The following OPCML variants were observed in gnomAD, a reference collection of about 807,000 sequenced individuals.
The protein encoded by OPCML is opioid-binding protein/cell adhesion molecule.
Under a neutral mutation model 37.8 loss-of-function variants are expected in OPCML, and 13 were observed. The observed-to-expected ratio is 0.34, with a 90% CI of 0.22 to 0.55. The LOEUF (loss-of-function observed/expected upper bound fraction) is 0.55, where lower values mean the gene tolerates loss of function less well. OPCML is among the 20% of genes least tolerant of loss of function. OPCML has a pLI of 0.91. For missense variants in OPCML, 341 were observed against 435.6 expected, an observed-to-expected ratio of 0.78 and a Z score of 1.93; for synonymous variants, 176 against 168.8, an observed-to-expected ratio of 1.04 and a Z score of -0.33.
chr11:133,419,378 C>T lies in OPCML; in HGVS notation c.61+112886G>A, dbSNP rs753199999. On this transcript the variant is annotated intron_variant, in intron 1 of 7. Coordinates refer to ENST00000524381, the MANE Select transcript of OPCML (RefSeq NM_001012393.5). Reference sequence around the variant, plus strand: ...GTGCTGGAGTCAGCTTCTACCCACTCGTCAGAGCTTATTGCTAAATTTTCA... The same window carrying T: ...GTGCTGGAGTCAGCTTCTACCCACTTGTCAGAGCTTATTGCTAAATTTTCA... 353 of 979,622 alleles carry T rather than the reference C, an allele frequency of 3.6e-4. 1 individual carries two copies. Among genetic ancestry groups the T allele is most frequent in the Non-Finnish European group, 4.0e-4 (331 of 824,818 alleles). The allele number at this position is 979,622 out of a possible 1,614,324, so 60.7% of individuals were successfully genotyped here.
intron 2 of OPCML, among the ~76,000 whole-genome samples, chr11:132,691,621 G>A: frequency 6.6e-6 from 1 of 152,116 alleles, no homozygotes; most frequent in African/African-American, 2.4e-5. Context: ...TACTCCCATG[G>A]GTAGTTTCAA....
chr11:133,356,279 G>A (rs565624342), intron 1 of OPCML, among the ~76,000 whole-genome samples: 114 of 152,328 alleles, frequency 7.5e-4, no homozygotes, highest in African/African-American at 2.5e-3. Flanking sequence ...CCGATTATAG[G>A]TGAAGGATGT....
At chr11:132,919,517 G>A (rs1317233252) in intron 2 of OPCML, among the ~76,000 whole-genome samples, 1 of 152,184 alleles carries the variant, frequency 6.6e-6, no homozygotes, top group African/African-American at 2.4e-5. Context: ...TGTTAGAGCT[G>A]AGCTAGAATC....
chr11:132,837,038 G>C (rs914522874), intron 2 of OPCML, among the ~76,000 whole-genome samples: 2 of 152,172 alleles, frequency 1.3e-5, no homozygotes, highest in African/African-American at 4.8e-5. Context: ...GTCTGGGCTG[G>C]ATGCAGTGGC....
chr11:132,815,129 T>C (rs1190096962), intron 2 of OPCML, among the ~76,000 whole-genome samples: 1 of 152,206 alleles, frequency 6.6e-6, no homozygotes, highest in Non-Finnish European at 1.5e-5. Flanking sequence ...AATAGTTTCT[T>C]AACTCATCTT....
At chr11:133,179,251 C>A (rs2567681) in intron 1 of OPCML, among the ~76,000 whole-genome samples, 51,072 of 152,012 alleles carry the variant, frequency 0.34, 9,105 homozygotes, top group Middle Eastern at 0.43. Flanking sequence ...TAAAATAATG[C>A]ACTAGTTAAT....
At position 133,248,709 on chromosome 11, in the gene OPCML, C is replaced by T. The variant is rs559476399; in HGVS notation, c.61+283555G>A. On this transcript the variant is annotated intron_variant, in intron 1 of 7. Coordinates refer to ENST00000524381, the MANE Select transcript of OPCML (RefSeq NM_001012393.5). Reference sequence around the variant, plus strand: ...GAAGTTCACTGATGCTAAGAGAAAACGAACAGACTTGGAGAAAAGGGCATA... The same window carrying T: ...GAAGTTCACTGATGCTAAGAGAAAATGAACAGACTTGGAGAAAAGGGCATA... Among the ~76,000 whole-genome samples, 94 of 152,182 alleles carry T rather than the reference C, an allele frequency of 6.2e-4. 1 individual carries two copies. Among genetic ancestry groups the T allele is most frequent in the Admixed American group, 9.2e-4 (14 of 15,292 alleles).
At chr11:132,664,166 T>C (rs1210043350) in intron 2 of OPCML, among the ~76,000 whole-genome samples, 1 of 152,230 alleles carries the variant, frequency 6.6e-6, no homozygotes, top group Non-Finnish European at 1.5e-5. Context: ...TTAGTGGCTA[T>C]ATATGTGCAT....
intron 1 of OPCML, among the ~76,000 whole-genome samples, chr11:133,517,269 TTA>T (rs942585545): frequency 1.3e-5 from 2 of 152,268 alleles, no homozygotes; most frequent in African/African-American, 4.8e-5. Flanking sequence ...TGTGTAGTGA[TTA>T]TATATTTCTA....
chr11:132,741,898 G>A (rs773201651), intron 2 of OPCML, among the ~76,000 whole-genome samples: 1 of 151,836 alleles, frequency 6.6e-6, no homozygotes, highest in Non-Finnish European at 1.5e-5. Flanking sequence ...GCATGGTGGT[G>A]CATGCCTGTA....
intron 1 of OPCML, among the ~76,000 whole-genome samples, chr11:132,967,601 T>C (rs1440302593): frequency 6.6e-6 from 1 of 152,200 alleles, no homozygotes; most frequent in Non-Finnish European, 1.5e-5. Flanking sequence ...TACATTTCTA[T>C]ATATTATAAG....
At chr11:133,084,005 A>C (rs1948780970) in intron 1 of OPCML, among the ~76,000 whole-genome samples, 1 of 152,024 alleles carries the variant, frequency 6.6e-6, no homozygotes, top group South Asian at 2.1e-4. Flanking sequence ...GACTTTTTGC[A>C]TGCTCCCGCC....
intron 1 of OPCML, among the ~76,000 whole-genome samples, chr11:132,999,212 G>A (rs533356015): frequency 3.1e-4 from 47 of 152,256 alleles, no homozygotes; most frequent in Non-Finnish European, 6.0e-4. Context: ...GAAGGAATTC[G>A]TGTCTCTAAA....
intron 1 of OPCML, chr11:133,006,132 G>A: frequency 2.0e-6 from 2 of 984,934 alleles, no homozygotes; most frequent in Non-Finnish European, 2.4e-6. Context: ...CCAGGTGGGA[G>A]GAGATCCCTG....
chr11:133,026,898 T>C (rs1049182058), intron 1 of OPCML, among the ~76,000 whole-genome samples: 6 of 152,244 alleles, frequency 3.9e-5, no homozygotes, highest in Non-Finnish European at 7.3e-5. Context: ...TGTCTTGATA[T>C]ACATAATACT....
chr11:133,362,951 C>T (rs1944456313), intron 1 of OPCML, among the ~76,000 whole-genome samples: 1 of 152,172 alleles, frequency 6.6e-6, no homozygotes, highest in Non-Finnish European at 1.5e-5. Context: ...TGCAGAGAAA[C>T]CAGCGTGCTC....
chr11:133,271,936 G>C (rs930251546), intron 1 of OPCML, among the ~76,000 whole-genome samples: 2 of 152,170 alleles, frequency 1.3e-5, no homozygotes, highest in Admixed American at 1.3e-4. Context: ...GATGCTCAGA[G>C]TCTAACACAC....
At chr11:133,087,728 G>A (rs1393595370) in intron 1 of OPCML, among the ~76,000 whole-genome samples, 1 of 152,220 alleles carries the variant, frequency 6.6e-6, no homozygotes, top group African/African-American at 2.4e-5. Context: ...AACAGTATTT[G>A]GAAGATGCTG....
At chr11:133,130,300 G>T (rs1949583137) in intron 1 of OPCML, among the ~76,000 whole-genome samples, 1 of 152,106 alleles carries the variant, frequency 6.6e-6, no homozygotes, top group Non-Finnish European at 1.5e-5. Flanking sequence ...GAACATTAAT[G>T]ATCTGTGAGA....
Sources: allele counts gnomAD v4.1 joint callset (sites outside exome capture counted in the v4.1 genomes callset), GRCh38; gene constraint gnomAD v4.1.1; transcripts MANE v1.5; gene names NCBI Gene and HGNC (gene_info 2026-07-23, HGNC 2026-07-21).